The following NCKAP5 variants were observed in gnomAD, a reference collection of about 807,000 sequenced individuals.
NCKAP5 encodes nck-associated protein 5.
Under a neutral mutation model 167.0 loss-of-function variants are expected in NCKAP5, and 92 were observed. The ratio of observed to expected loss-of-function variants is 0.55; its 90% CI spans 0.47 to 0.66. NCKAP5 has a LOEUF of 0.66. Ranked by LOEUF, NCKAP5 falls within the 30% of genes least tolerant of loss-of-function variation. The pLI is 0.00. For missense variants in NCKAP5, 2,378 were observed against 2,315.0 expected, an observed-to-expected ratio of 1.03 and a Z score of -0.56; for synonymous variants, 891 against 877.4, an observed-to-expected ratio of 1.02 and a Z score of -0.27.
At chr2:133,628,269 T>A in the NCKAP5 span, among the ~76,000 whole-genome samples, 1 of 152,122 alleles carries the variant, frequency 6.6e-6, no homozygotes, top group Non-Finnish European at 1.5e-5. Flanking sequence ...AAAAGCTTCT[T>A]AAGCTGATAA....
intron 6 of NCKAP5, among the ~76,000 whole-genome samples, chr2:133,089,590 A>T (rs2081105963): frequency 6.6e-6 from 1 of 152,230 alleles, no homozygotes; most frequent in Non-Finnish European, 1.5e-5. Context: ...AGTACTCTTC[A>T]TTTACAAAAG....
chr2:132,866,763 G>A (rs1471362597), intron 10 of NCKAP5, among the ~76,000 whole-genome samples: 1 of 152,146 alleles, frequency 6.6e-6, no homozygotes, highest in Non-Finnish European at 1.5e-5. Context: ...ATCTTCTGGT[G>A]ACTTAGATAA....
chr2:133,334,522 C>CAATG (rs1351761982), intron 3 of NCKAP5, among the ~76,000 whole-genome samples: 5 of 152,126 alleles, frequency 3.3e-5, no homozygotes, highest in Non-Finnish European at 7.3e-5. Flanking sequence ...TCATAGGTGG[C>CAATG]CATTGGCAAA....
At chr2:133,454,152 C>A (rs1691710335) in intron 3 of NCKAP5, among the ~76,000 whole-genome samples, 1 of 151,950 alleles carries the variant, frequency 6.6e-6, no homozygotes, top group East Asian at 1.9e-4. Flanking sequence ...TTAAAATGTT[C>A]TTCTAAGTAG....
chr2:133,247,932 T>A (rs908512924), intron 4 of NCKAP5, among the ~76,000 whole-genome samples: 4 of 152,218 alleles, frequency 2.6e-5, no homozygotes, highest in Non-Finnish European at 5.9e-5. Context: ...AATTGTAAAG[T>A]CCTATGAGGG....
At chr2:132,923,863 A>G (rs1208424948) in intron 8 of NCKAP5, among the ~76,000 whole-genome samples, 8 of 152,232 alleles carry the variant, frequency 5.3e-5, no homozygotes. Flanking sequence ...TCCAATGTTG[A>G]AAAAGCACCT....
At chr2:133,261,743 G>T (rs1025150208) in intron 4 of NCKAP5, among the ~76,000 whole-genome samples, 1 of 152,148 alleles carries the variant, frequency 6.6e-6, no homozygotes, top group Non-Finnish European at 1.5e-5. Context: ...CTCAAGGAAA[G>T]AATAGGTATC....
At chr2:132,781,295 C>A in intron 14 of NCKAP5, 66 bp from the exon 15 acceptor site, 1 of 1,468,284 alleles carries the variant, frequency 6.8e-7, no homozygotes. Flanking sequence ...CTCCTTTTCC[C>A]AATCTTTTTA....
chr2:132,704,926 G>A (rs1243437009), intron 19 of NCKAP5, among the ~76,000 whole-genome samples: 2 of 152,126 alleles, frequency 1.3e-5, no homozygotes, highest in Non-Finnish European at 2.9e-5. Flanking sequence ...AGTTTCTCTA[G>A]TCCATTCCCT....
chr2:133,374,921 C>T (rs1017202480), intron 3 of NCKAP5, among the ~76,000 whole-genome samples: 5 of 152,118 alleles, frequency 3.3e-5, no homozygotes, highest in African/African-American at 7.2e-5. Context: ...TTCTGCGCTC[C>T]GAAATACTCA....
chr2:132,846,687 A>G (rs1367845740), intron 11 of NCKAP5, among the ~76,000 whole-genome samples: 2 of 152,160 alleles, frequency 1.3e-5, no homozygotes, highest in South Asian at 2.1e-4. Context: ...AAATCAAGCT[A>G]TAATAGAAAA....
At chr2:133,454,390 A>G (rs1413234152) in intron 3 of NCKAP5, among the ~76,000 whole-genome samples, 1 of 152,084 alleles carries the variant, frequency 6.6e-6, no homozygotes, top group African/African-American at 2.4e-5. Context: ...GAAAATGGAG[A>G]AACACATTAG....
At chr2:133,375,857 A>G (rs1397424991) in intron 3 of NCKAP5, among the ~76,000 whole-genome samples, 1 of 152,234 alleles carries the variant, frequency 6.6e-6, no homozygotes, top group Non-Finnish European at 1.5e-5. Flanking sequence ...ATGAACATTG[A>G]TGAAGCCAAC....
intron 4 of NCKAP5, 125 bp from the exon 5 acceptor site, chr2:133,213,904 T>C (rs1263024260): frequency 1.3e-6 from 1 of 756,842 alleles, no homozygotes; most frequent in African/African-American, 1.8e-5. Flanking sequence ...CACTTCCTCC[T>C]CTATACTTTC....
chr2:132,829,303 AGCAGCAAC>A (rs898718443), intron 11 of NCKAP5, among the ~76,000 whole-genome samples: 5 of 152,088 alleles, frequency 3.3e-5, no homozygotes, highest in African/African-American at 1.2e-4. Context: ...GTAAGATGGG[AGCAGCAAC>A]GCCTACCTTA....
At chr2:133,195,785 C>T (rs368995404) in intron 5 of NCKAP5, among the ~76,000 whole-genome samples, 14 of 152,178 alleles carry the variant, frequency 9.2e-5, no homozygotes, top group Admixed American at 2.6e-4. Context: ...GAAATAACTG[C>T]ATAACATATT....
In NCKAP5 at chr2:132,725,704, C is replaced by G. The variant is rs1225957271; in HGVS notation, c.5636G>C (p.Ser1879Thr). 1 of 1,613,640 alleles carries G rather than the reference C, an allele frequency of 6.2e-7. No individual in the cohort carries two copies. The highest frequency in any genetic ancestry group is 1.7e-5 in the Admixed American group (1 of 59,982). The change falls in exon 19 of 20, where the codon AGT becomes ACT. Residue 1879 changes from serine (S) to threonine (T), a missense_variant. Ser to Thr is a moderately conservative substitution (Grantham distance 58). Coordinates refer to ENST00000409261, the MANE Select transcript of NCKAP5 (RefSeq NM_207363.3). The stretch of plus-strand genomic sequence containing the variant: ...ACCATTATCTCCATAGTCCAGGTCA[C>G]TGTCACTATTACTGCCACCGCTGGC... ...YSASGGSNSD[S>T]DLDYGDNGFG... is the part of the protein sequence containing the mutation.
chr2:133,354,618 A>C (rs1294020133), intron 3 of NCKAP5, among the ~76,000 whole-genome samples: 1 of 152,252 alleles, frequency 6.6e-6, no homozygotes, highest in Non-Finnish European at 1.5e-5. Flanking sequence ...TAACGATAGA[A>C]GCAATTTCAC....
At chr2:133,592,315 A>G in the NCKAP5 span, among the ~76,000 whole-genome samples, 1 of 152,230 alleles carries the variant, frequency 6.6e-6, no homozygotes, top group Non-Finnish European at 1.5e-5. Flanking sequence ...CTCAGGCAAA[A>G]TAAAAGTTGT....
Sources: gnomAD v4.1 joint callset for allele counts (sites outside exome capture counted in the v4.1 genomes callset) on GRCh38, gnomAD v4.1.1 for gene constraint, MANE v1.5 for transcripts, NCBI Gene and HGNC (gene_info 2026-07-23, HGNC 2026-07-21) for gene names.